LSAMP: variants seen among roughly 807,000 people sequenced by gnomAD.
LSAMP encodes the protein limbic system-associated membrane protein.
Under a neutral mutation model 38.6 loss-of-function variants are expected in LSAMP, and 7 were observed. That is an observed-to-expected ratio of 0.18 (90% CI 0.10 to 0.34). The LOEUF (loss-of-function observed/expected upper bound fraction) is 0.34. Ranked by LOEUF, LSAMP falls within the 10% of genes least tolerant of loss-of-function variation. The pLI, the probability that LSAMP is intolerant of heterozygous loss-of-function variation, is 1.00. For synonymous variants in LSAMP, 154 were observed against 166.8 expected (o/e 0.92, Z 0.59); for missense variants, 313 against 420.0 (o/e 0.75, Z 2.23).
chr3:116,274,844 C>T (rs2047025224), intron 1 of LSAMP, among the ~76,000 whole-genome samples: 3 of 151,550 alleles, frequency 2.0e-5, no homozygotes. Flanking sequence ...TTTTTCCCTC[C>T]TCACCATTAA....
rs114152215 is a variant in LSAMP at position 115,931,379 on chromosome 3, C to A, written c.515-78762G>T. Among the ~76,000 whole-genome samples the A allele has an allele frequency of 8.5e-3, 1,296 of 152,258 alleles. 11 individuals carry two copies. The highest frequency in any genetic ancestry group is 0.029 in the African/African-American group (1,203 of 41,542). Reference sequence around the variant, plus strand: ...TGAGAAAGACTTTCTTTGCCTGCCCCCAGCTGAGTGACCTGCTTTCTCAGC... The same window carrying A: ...TGAGAAAGACTTTCTTTGCCTGCCCACAGCTGAGTGACCTGCTTTCTCAGC... On this transcript the variant is annotated intron_variant, in intron 3 of 6. Transcript: ENST00000490035.
chr3:116,289,910 T>C (rs1031592207), intron 1 of LSAMP, among the ~76,000 whole-genome samples: 1 of 152,238 alleles, frequency 6.6e-6, no homozygotes, highest in Non-Finnish European at 1.5e-5. Context: ...ATTAAAAAGC[T>C]ATCACAGTAC....
chr3:116,080,777 C>T (rs932018720), intron 2 of LSAMP, among the ~76,000 whole-genome samples: 7 of 152,116 alleles, frequency 4.6e-5, no homozygotes, highest in Non-Finnish European at 7.3e-5. Context: ...TGAGAAAATT[C>T]CAGTTAATCA....
chr3:116,379,403 T>C lies in LSAMP; in HGVS notation c.155+65474A>G, dbSNP rs191898136. Among the ~76,000 whole-genome samples, 25 of 151,998 alleles carry C rather than the reference T, an allele frequency of 1.6e-4. No homozygotes were observed. The East Asian group carries it at 4.5e-3, about 27-fold the overall frequency. On this transcript the variant is annotated intron_variant, in intron 1 of 6. Coordinates refer to ENST00000490035, the MANE Select transcript of LSAMP (RefSeq NM_002338.5). ...ACATTTCAACAAGAGTACAGTTAGTTTGAGACATGGAGAGTAGAGTATATA... is the reference window on the plus strand; with the variant it reads ...ACATTTCAACAAGAGTACAGTTAGTCTGAGACATGGAGAGTAGAGTATATA...
At chr3:116,004,613 C>T (rs1576300136) in intron 3 of LSAMP, among the ~76,000 whole-genome samples, 1 of 149,182 alleles carries the variant, frequency 6.7e-6, no homozygotes, top group Non-Finnish European at 1.5e-5. Context: ...CATGTATATG[C>T]ATATATAAAC....
At chr3:115,911,518 A>G (rs183566436) in intron 3 of LSAMP, among the ~76,000 whole-genome samples, 2 of 152,022 alleles carry the variant, frequency 1.3e-5, no homozygotes, top group African/African-American at 2.4e-5. Context: ...CGCCTGGCTA[A>G]TTTTTTGTAG....
chr3:116,430,008 C>T lies in LSAMP; in HGVS notation c.155+14869G>A, dbSNP rs2049259709. On this transcript the variant is annotated intron_variant, in intron 1 of 6. Transcript: ENST00000490035. ...GACTTCAGGCAAAAGTATATCAACACGTGTGGCAAAGTAATAGAGGGAATT... is the reference window on the plus strand; with the variant it reads ...GACTTCAGGCAAAAGTATATCAACATGTGTGGCAAAGTAATAGAGGGAATT... Among the ~76,000 whole-genome samples, 4 of 152,056 alleles carry T rather than the reference C, an allele frequency of 2.6e-5. No homozygotes were observed. In the South Asian group the frequency reaches 8.3e-4, roughly 32 times the overall value.
intron 3 of LSAMP, among the ~76,000 whole-genome samples, chr3:115,963,011 C>T (rs1324327936): frequency 1.3e-5 from 2 of 152,162 alleles, no homozygotes; most frequent in Non-Finnish European, 2.9e-5. Context: ...GACCAACTTA[C>T]TACTGAGCGA....
intron 1 of LSAMP, among the ~76,000 whole-genome samples, chr3:116,337,299 T>C (rs1292237458): frequency 6.6e-6 from 1 of 152,022 alleles, no homozygotes; most frequent in African/African-American, 2.4e-5. Context: ...ACTACACATT[T>C]GAAATGGGAA....
chr3:116,123,091 G>A (rs1446897482), intron 1 of LSAMP, among the ~76,000 whole-genome samples: 2 of 152,148 alleles, frequency 1.3e-5, no homozygotes, highest in Non-Finnish European at 2.9e-5. Context: ...TCATAAAGAT[G>A]ACAAAAACAA....
intron 1 of LSAMP, among the ~76,000 whole-genome samples, chr3:116,423,137 G>A (rs1023060656): frequency 6.6e-6 from 1 of 152,186 alleles, no homozygotes; most frequent in African/African-American, 2.4e-5. Flanking sequence ...AAATAGCTGA[G>A]TAAATAGATG....
At chr3:116,182,736 T>A (rs1710516456) in intron 1 of LSAMP, among the ~76,000 whole-genome samples, 1 of 151,934 alleles carries the variant, frequency 6.6e-6, no homozygotes, top group South Asian at 2.1e-4. Flanking sequence ...CTGATTCCCA[T>A]AACAGACCTA....
chr3:116,035,669 T>A (rs1941030289), intron 2 of LSAMP, among the ~76,000 whole-genome samples: 1 of 152,212 alleles, frequency 6.6e-6, no homozygotes, highest in Non-Finnish European at 1.5e-5. Flanking sequence ...TTTCTTAAAT[T>A]AGCTCTGTTT....
At chr3:115,954,737 C>T (rs550079114) in intron 3 of LSAMP, among the ~76,000 whole-genome samples, 2 of 152,278 alleles carry the variant, frequency 1.3e-5, no homozygotes, top group Non-Finnish European at 2.9e-5. Flanking sequence ...TGCCACTTTT[C>T]TAGTAGTTTT....
intron 1 of LSAMP, among the ~76,000 whole-genome samples, chr3:116,178,736 C>T (rs931223570): frequency 6.6e-6 from 1 of 152,118 alleles, no homozygotes; most frequent in African/African-American, 2.4e-5. Flanking sequence ...TCATCTGGCT[C>T]TCTATCCCAC....
chr3:115,849,078 G>T (rs1336802405), intron 4 of LSAMP, among the ~76,000 whole-genome samples: 2 of 152,134 alleles, frequency 1.3e-5, no homozygotes, highest in Non-Finnish European at 2.9e-5. Flanking sequence ...GTGTCCCTAG[G>T]ACTGGTATCT....
intron 1 of LSAMP, among the ~76,000 whole-genome samples, chr3:116,263,819 C>T (rs1160656341): frequency 6.6e-6 from 1 of 152,010 alleles, no homozygotes; most frequent in Non-Finnish European, 1.5e-5. Flanking sequence ...GTGTTGCATC[C>T]TTTGACTTCT....
At chr3:115,918,316 T>C (rs1338183038) in intron 3 of LSAMP, among the ~76,000 whole-genome samples, 4 of 152,204 alleles carry the variant, frequency 2.6e-5, no homozygotes, top group Non-Finnish European at 5.9e-5. Context: ...GGAAATGAAA[T>C]GTACAAGATT....
At chr3:116,102,136 GA>G (rs1432640560) in intron 1 of LSAMP, among the ~76,000 whole-genome samples, 1 of 152,172 alleles carries the variant, frequency 6.6e-6, no homozygotes, top group East Asian at 1.9e-4. Flanking sequence ...GGCTGATAAA[GA>G]GATATGTACA....
Sources: gnomAD v4.1 joint callset for allele counts (sites outside exome capture counted in the v4.1 genomes callset) on GRCh38, gnomAD v4.1.1 for gene constraint, MANE v1.5 for transcripts, NCBI Gene and HGNC (gene_info 2026-07-23, HGNC 2026-07-21) for gene names.